Variants in AGPAT5 observed in about 807,000 individuals in gnomAD.
The protein encoded by AGPAT5 is 1-acylglycerol-3-phosphate O-acyltransferase 5.
Under a neutral mutation model 45.6 loss-of-function variants are expected in AGPAT5, and 46 were observed. The ratio of observed to expected loss-of-function variants is 1.01; its 90% CI spans 0.80 to 1.29. The LOEUF is 1.29. AGPAT5 is among the 50% of genes most tolerant of loss of function. The probability of loss-of-function intolerance (pLI) is 0.00; values close to 1 mark genes in which losing one functional copy is unlikely to be tolerated. For missense variants in AGPAT5, 673 were observed against 450.7 expected (o/e 1.49, Z -4.47); for synonymous variants, 272 against 167.0 (o/e 1.63, Z -4.85).
intron 5 of AGPAT5, among the ~76,000 whole-genome samples, chr8:6,744,285 C>T (rs369864289): frequency 1.3e-5 from 2 of 152,228 alleles, no homozygotes; most frequent in African/African-American, 4.8e-5. Context: ...ACTTTGAAGC[C>T]AACTTCTGAG....
At chr8:6,712,986 A>T (rs1417236627) in intron 1 of AGPAT5, among the ~76,000 whole-genome samples, 1 of 152,182 alleles carries the variant, frequency 6.6e-6, no homozygotes. Context: ...ATCAACACGT[A>T]ATAGATTGGG....
At chr8:6,719,873 G>C (rs1017663338) in intron 1 of AGPAT5, among the ~76,000 whole-genome samples, 5 of 152,174 alleles carry the variant, frequency 3.3e-5, no homozygotes, top group Non-Finnish European at 7.3e-5. Flanking sequence ...TCAATGCAAA[G>C]GGGGATATGA....
chr8:6,737,142 G>T (rs568486804), intron 4 of AGPAT5, among the ~76,000 whole-genome samples: 7 of 152,270 alleles, frequency 4.6e-5, no homozygotes, highest in Non-Finnish European at 8.8e-5. Flanking sequence ...TGTTCCTAGC[G>T]CAGTGTGGAT....
At chr8:6,754,895 CT>C (rs10692820) in intron 6 of AGPAT5, among the ~76,000 whole-genome samples, 155 bp from the exon 7 acceptor site, 46 of 151,234 alleles carry the variant, frequency 3.0e-4, no homozygotes, top group East Asian at 9.7e-4. Context: ...GTTTATAATC[CT>C]TTTTTTTTAA....
At chr8:6,741,575 G>A (rs980419175) in intron 4 of AGPAT5, 86 bp from the exon 5 acceptor site, 6 of 851,832 alleles carry the variant, frequency 7.0e-6, no homozygotes, top group African/African-American at 1.7e-5. Context: ...TACTCTGTTA[G>A]CATTAGTAGG....
At chr8:6,715,563 G>A (rs753971867) in intron 1 of AGPAT5, among the ~76,000 whole-genome samples, 10 of 152,256 alleles carry the variant, frequency 6.6e-5, no homozygotes, top group East Asian at 1.9e-4. Flanking sequence ...TTACAGACAA[G>A]GAAAAGGGAA....
rs141776543 is a variant in AGPAT5, at chr8:6,736,756, A to T, written c.495+4106A>T. On this transcript the variant is annotated intron_variant, in intron 4 of 7. Coordinates refer to ENST00000285518, the MANE Select transcript of AGPAT5 (RefSeq NM_018361.5). Reference sequence around the variant, plus strand: ...GTGAACTGAGCCATTCAGGCAGTGCAGCCAGGGTTGCAGATGCACGTGAGA... The same window carrying T: ...GTGAACTGAGCCATTCAGGCAGTGCTGCCAGGGTTGCAGATGCACGTGAGA... 8.1e-3 allele frequency among the ~76,000 whole-genome samples: 1,233 copies of T among 152,364 alleles called. 21 individuals are homozygous for T. The highest frequency in any genetic ancestry group is 0.02 in the Middle Eastern group (6 of 294).
chr8:6,743,145 C>T (rs1251559029), intron 5 of AGPAT5, among the ~76,000 whole-genome samples: 1 of 152,192 alleles, frequency 6.6e-6, no homozygotes, highest in African/African-American at 2.4e-5. Flanking sequence ...GCGATTACTT[C>T]CTAGCCTCCT....
intron 2 of AGPAT5, among the ~76,000 whole-genome samples, chr8:6,725,769 C>T (rs1221813724): frequency 6.6e-6 from 1 of 152,118 alleles, no homozygotes; most frequent in South Asian, 2.1e-4. Context: ...TACCTAGAAG[C>T]TCAAAGCTGG....
At chr8:6,720,322 TAGAG>T (rs1227224218) in intron 1 of AGPAT5, among the ~76,000 whole-genome samples, 2 of 152,246 alleles carry the variant, frequency 1.3e-5, no homozygotes, top group South Asian at 2.1e-4. Context: ...CAAAAATAGA[TAGAG>T]ATAGTTTTCC....
chr8:6,744,002 T>G (rs1273868638), intron 5 of AGPAT5, among the ~76,000 whole-genome samples: 1 of 152,092 alleles, frequency 6.6e-6, no homozygotes, highest in Non-Finnish European at 1.5e-5. Context: ...ACAAAGCAAT[T>G]TTTTTCTTTG....
chr8:6,750,920 C>T (rs981211987), intron 6 of AGPAT5, among the ~76,000 whole-genome samples: 9 of 152,054 alleles, frequency 5.9e-5, no homozygotes, highest in African/African-American at 1.4e-4. Context: ...TTAGCATTCC[C>T]GCTTTCTGAG....
intron 4 of AGPAT5, among the ~76,000 whole-genome samples, chr8:6,735,827 TC>T (rs1163165595): frequency 6.6e-6 from 1 of 151,244 alleles, no homozygotes; most frequent in Non-Finnish European, 1.5e-5. Context: ...AACAGAGTGT[TC>T]CTGTTTATTC....
intron 4 of AGPAT5, among the ~76,000 whole-genome samples, chr8:6,741,052 C>T (rs188522901): frequency 2.0e-5 from 3 of 152,088 alleles, no homozygotes; most frequent in African/African-American, 4.8e-5. Flanking sequence ...ACTTATTAAA[C>T]GTCCAGCTTG....
At chr8:6,712,040 C>T (rs765114845) in intron 1 of AGPAT5, among the ~76,000 whole-genome samples, 2 of 152,140 alleles carry the variant, frequency 1.3e-5, no homozygotes, top group Non-Finnish European at 2.9e-5. Flanking sequence ...CCTTCATTCC[C>T]CCACAACAAT....
intron 7 of AGPAT5, among the ~76,000 whole-genome samples, chr8:6,756,187 G>A (rs184997486): frequency 1.3e-5 from 2 of 152,274 alleles, no homozygotes; most frequent in East Asian, 3.9e-4. Flanking sequence ...GGGAAAATGA[G>A]TTAACTATGC....
Position 6,717,981 on chromosome 8 carries a change from C to G in AGPAT5, c.220-6889C>G, listed in dbSNP as rs145529599. Among the ~76,000 whole-genome samples the G allele has an allele frequency of 1.0e-3, 157 of 152,284 alleles. 1 individual carries two copies. The Middle Eastern group carries it at 0.02, about 20-fold the overall frequency. On this transcript the variant is annotated intron_variant, in intron 1 of 7. Coordinates refer to ENST00000285518, the MANE Select transcript of AGPAT5 (RefSeq NM_018361.5). Reference sequence around the variant, plus strand: ...GTGTAATTCCTATTTCTCTGCCATTCCGTATGTCATCTGGATTAAGTGTCA... The same window carrying G: ...GTGTAATTCCTATTTCTCTGCCATTGCGTATGTCATCTGGATTAAGTGTCA...
At chr8:6,733,106 G>A (rs1300186963) in intron 4 of AGPAT5, among the ~76,000 whole-genome samples, 1 of 152,304 alleles carries the variant, frequency 6.6e-6, no homozygotes, top group African/African-American at 2.4e-5. Flanking sequence ...AAATCATTCA[G>A]TGTAAATAAT....
intron 1 of AGPAT5, among the ~76,000 whole-genome samples, chr8:6,723,562 T>C (rs1010419396): frequency 1.3e-5 from 2 of 152,214 alleles, no homozygotes; most frequent in East Asian, 3.8e-4. Context: ...ATGGTCTTGA[T>C]GCAATTCTGG....
Sources: allele counts gnomAD v4.1 joint callset (sites outside exome capture counted in the v4.1 genomes callset), GRCh38; gene constraint gnomAD v4.1.1; transcripts MANE v1.5; gene names NCBI Gene and HGNC (gene_info 2026-07-23, HGNC 2026-07-21).